NEDD9: variants seen among roughly 807,000 people sequenced by gnomAD.
NEDD9 encodes the protein neural precursor cell expressed, developmentally down-regulated 9.
A neutral mutation model predicts 76.6 loss-of-function variants in NEDD9; 26 were observed. That is an observed-to-expected ratio of 0.34 (90% CI 0.25 to 0.47). The LOEUF is 0.47. Ranked by LOEUF, NEDD9 falls within the 20% of genes least tolerant of loss-of-function variation. The pLI is 1.00. For missense variants in NEDD9, 937 were observed against 1,058.5 expected (o/e 0.89, Z 1.59); for synonymous variants, 392 against 414.2 (o/e 0.95, Z 0.65).
At chr6:11,315,819 T>C (rs1761537327) in intron 2 of NEDD9, among the ~76,000 whole-genome samples, 1 of 152,194 alleles carries the variant, frequency 6.6e-6, no homozygotes, top group Non-Finnish European at 1.5e-5. Flanking sequence ...CATCCAAATA[T>C]GCACCCAGAA....
intron 3 of NEDD9, among the ~76,000 whole-genome samples, chr6:11,301,139 G>A (rs1220819187): frequency 3.9e-5 from 6 of 151,998 alleles, no homozygotes; most frequent in African/African-American, 7.2e-5. Flanking sequence ...GTGCAAAGAC[G>A]CACATAGGCT....
chr6:11,246,741 T>C (rs1759820223), intron 3 of NEDD9, among the ~76,000 whole-genome samples: 1 of 152,208 alleles, frequency 6.6e-6, no homozygotes, highest in African/African-American at 2.4e-5. Flanking sequence ...ATTCTATTTC[T>C]TTAAAACAAA....
intron 3 of NEDD9, among the ~76,000 whole-genome samples, chr6:11,243,475 G>T (rs1759747281): frequency 6.6e-6 from 1 of 152,210 alleles, no homozygotes; most frequent in South Asian, 2.1e-4. Context: ...GTGGCCTGGT[G>T]CAGGTCTGCA....
At chr6:11,294,937 T>C (rs1760856706) in intron 3 of NEDD9, among the ~76,000 whole-genome samples, 1 of 152,244 alleles carries the variant, frequency 6.6e-6, no homozygotes. Context: ...GCTGTTCTTA[T>C]GGCAGTGAGT....
At chr6:11,361,840 T>C (rs553422334) in intron 1 of NEDD9, among the ~76,000 whole-genome samples, 351 of 152,108 alleles carry the variant, frequency 2.3e-3, no homozygotes, top group African/African-American at 7.8e-3. Context: ...GGAGAAAGCA[T>C]TGGGGGCTGA....
chr6:11,319,767 TGCACACTCAC>T (rs1195017268), intron 2 of NEDD9, among the ~76,000 whole-genome samples: 6 of 120,034 alleles, frequency 5.0e-5, no homozygotes, highest in Admixed American at 4.3e-4. Flanking sequence ...CACACTAACA[TGCACACTCAC>T]GCACACTAAC....
At chr6:11,232,255 C>T (rs1759491566) in intron 1 of NEDD9, among the ~76,000 whole-genome samples, 1 of 152,200 alleles carries the variant, frequency 6.6e-6, no homozygotes, top group Non-Finnish European at 1.5e-5. Flanking sequence ...CTTAACTTCT[C>T]ACCGAGGTAT....
intron 2 of NEDD9, among the ~76,000 whole-genome samples, chr6:11,204,722 A>AG (rs1758551345): frequency 6.7e-6 from 1 of 148,536 alleles, no homozygotes; most frequent in Non-Finnish European, 1.5e-5. Flanking sequence ...TCCGTCTCAA[A>AG]AAAAAAAAAA....
chr6:11,292,262 T>C (rs1349947877), intron 3 of NEDD9, among the ~76,000 whole-genome samples: 2 of 152,120 alleles, frequency 1.3e-5, no homozygotes, highest in African/African-American at 4.8e-5. Context: ...AAGAAAAGCG[T>C]CTGGTAGGCA....
chr6:11,271,059 G>T (rs1760296081), intron 3 of NEDD9, among the ~76,000 whole-genome samples: 1 of 151,960 alleles, frequency 6.6e-6, no homozygotes, highest in Non-Finnish European at 1.5e-5. Context: ...TTTGAGACAG[G>T]GTCTCACTCT....
At chr6:11,268,804 AT>A (rs1443385062) in intron 3 of NEDD9, among the ~76,000 whole-genome samples, 1 of 152,096 alleles carries the variant, frequency 6.6e-6, no homozygotes, top group East Asian at 1.9e-4. Context: ...CTAAATTTAT[AT>A]TTATTTCAAC....
intron 3 of NEDD9, among the ~76,000 whole-genome samples, chr6:11,281,798 G>A (rs182743708): frequency 6.6e-6 from 1 of 152,222 alleles, no homozygotes; most frequent in Non-Finnish European, 1.5e-5. Flanking sequence ...CTGTCACCCA[G>A]GCTGGGGTGC....
intron 1 of NEDD9, among the ~76,000 whole-genome samples, chr6:11,226,368 C>T (rs1759308794): frequency 1.3e-5 from 2 of 152,082 alleles, no homozygotes; most frequent in African/African-American, 4.8e-5. Context: ...TATAGTATTT[C>T]TTCCCAATGG....
intron 2 of NEDD9, among the ~76,000 whole-genome samples, chr6:11,314,385 T>C (rs1191247447): frequency 2.0e-5 from 3 of 152,148 alleles, no homozygotes; most frequent in Admixed American, 6.5e-5. Flanking sequence ...GGAAAATAAC[T>C]TCCTTCCAAA....
intron 1 of NEDD9, among the ~76,000 whole-genome samples, chr6:11,216,315 G>A (rs147726761): frequency 1.3e-5 from 2 of 152,284 alleles, no homozygotes; most frequent in Non-Finnish European, 2.9e-5. Flanking sequence ...TAATATCTGC[G>A]CAAGCTACAG....
rs111374721 is a variant in NEDD9, at chr6:11,194,734, G to A, written c.460-1042C>T. The stretch of plus-strand genomic sequence containing the variant: ...CAAGGGATATCAGAAGTCAAATAGC[G>A]TTCATCACGATGCTGGCATCTGGAA... On this transcript the variant is annotated intron_variant, in intron 2 of 6. Transcript: ENST00000379446. Among the ~76,000 whole-genome samples, 1,493 of 152,258 alleles carry A rather than the reference G, an allele frequency of 9.8e-3. 11 individuals carry two copies. The highest frequency in any genetic ancestry group is 0.028 in the African/African-American group (1,148 of 41,550).
intron 3 of NEDD9, among the ~76,000 whole-genome samples, chr6:11,277,442 T>C (rs1291100416): frequency 2.6e-5 from 4 of 152,060 alleles, no homozygotes; most frequent in Non-Finnish European, 5.9e-5. Context: ...TTCCAAAGCA[T>C]GTTACAAATG....
rs562768239 is a variant in NEDD9, at chr6:11,237,797, T to A, written c.13-24070A>T. 1.3e-5 allele frequency among the ~76,000 whole-genome samples: 2 copies of A among 152,276 alleles called. No homozygotes were observed. The highest frequency in any genetic ancestry group is 2.1e-4 in the South Asian group (1 of 4,818). On this transcript the variant is annotated intron_variant, in intron 3 of 3. Transcript: ENST00000397378. The surrounding 1 kb of genome is among the most constrained non-coding windows in gnomAD (Gnocchi z 4.9). ...TTTGCCGACCCACACTCTAGATTAG[T>A]GCAAGGTACATCTATGCCTGAGTTC...
chr6:11,232,076 C>T (rs1011344617), intron 1 of NEDD9, among the ~76,000 whole-genome samples: 7 of 152,124 alleles, frequency 4.6e-5, no homozygotes, highest in Non-Finnish European at 1.0e-4. Flanking sequence ...AAACTTTGCA[C>T]TAAGAGCCAG....
Sources: gnomAD v4.1 joint callset for allele counts (sites outside exome capture counted in the v4.1 genomes callset) on GRCh38, gnomAD v4.1.1 for gene constraint, Gnocchi (gnomAD v3.1) non-coding constraint, MANE v1.5 for transcripts, NCBI Gene and HGNC (gene_info 2026-07-23, HGNC 2026-07-21) for gene names.